The following ZFHX4 variants were observed in gnomAD, a reference collection of about 807,000 sequenced individuals.
The protein encoded by ZFHX4 is zinc finger homeobox 4.
ZFHX4 carries 56 observed loss-of-function variants against 267.6 expected under a neutral mutation model. The ratio of observed to expected loss-of-function variants is 0.21; its 90% CI spans 0.17 to 0.26. ZFHX4 has a LOEUF of 0.26. Among genes scored for constraint, ZFHX4 ranks in the 10% least tolerant of loss-of-function variants. The pLI, the probability that ZFHX4 is intolerant of heterozygous loss-of-function variation, is 1.00. For synonymous variants in ZFHX4, 1,778 were observed against 1,665.6 expected (o/e 1.07, Z -1.64); for missense variants, 4,332 against 4,420.0 (o/e 0.98, Z 0.56).
Position 76,863,239 on chromosome 8 carries a change from C to T in ZFHX4, c.9525C>T (p.Ser3175=), listed in dbSNP as rs1182236435. Residue 3175 remains serine (S), a synonymous_variant, in exon 11 of 11, where the codon TCC becomes TCT. Transcript: ENST00000651372. ...CTCCTCCTCCTCCTCCTCCTTCATC[C>T]TCTCTGTCAGGACAGCAGACCGAGC... is the stretch of plus-strand genomic sequence containing the variant. The part of the protein sequence containing the change: ...PPPPPPPPPS[S]SLSGQQTEQQ... The T allele has an allele frequency of 6.3e-6, 10 of 1,595,384 alleles. No individual in the cohort carries two copies. The highest frequency in any genetic ancestry group is 7.7e-6 in the Non-Finnish European group (9 of 1,170,470).
intron 3 of ZFHX4, among the ~76,000 whole-genome samples, chr8:76,729,629 C>T (rs1324066070): frequency 6.6e-6 from 1 of 152,142 alleles, no homozygotes; most frequent in Non-Finnish European, 1.5e-5. Context: ...TACAGTGGTC[C>T]TGGGATTTGC....
At chr8:76,687,753 C>T (rs1164924762) in intron 1 of ZFHX4, among the ~76,000 whole-genome samples, 1 of 152,056 alleles carries the variant, frequency 6.6e-6, no homozygotes, top group African/African-American at 2.4e-5. Context: ...AATATTAATC[C>T]TGTTTTTGAC....
Position 76,853,978 on chromosome 8 carries a change from A to G in ZFHX4, c.7057A>G (p.Met2353Val). Residue 2353 changes from methionine to valine, a missense_variant, in exon 10 of 11, where the codon ATG becomes GTG. Transcript: ENST00000651372. ...AQDESQTEDS[M>V]DATDQVVYKH... ...AGATGAAAGCCAAACAGAAGACTCC[A>G]TGGATGCCACTGATCAAGTGGTATA... 1 of 1,613,882 alleles carries G rather than the reference A, an allele frequency of 6.2e-7. No individual in the cohort carries two copies. Among genetic ancestry groups the G allele is most frequent in the Middle Eastern group, 1.6e-4 (1 of 6,062 alleles).
intron 4 of ZFHX4, among the ~76,000 whole-genome samples, chr8:76,788,453 T>C (rs1463541219): frequency 6.6e-6 from 1 of 152,228 alleles, no homozygotes; most frequent in African/African-American, 2.4e-5. Context: ...AATTTATTTG[T>C]TCTAATTTTG....
At position 76,849,072 on chromosome 8, in the gene ZFHX4, G is replaced by C; in HGVS notation, c.3589G>C (p.Asp1197His). 1.3e-6 allele frequency: 2 copies of C among 1,569,742 alleles called. No homozygotes were observed. Among genetic ancestry groups the C allele is most frequent in the Non-Finnish European group, 1.7e-6 (2 of 1,156,894 alleles). Residue 1197 changes from aspartate to histidine, a missense_variant, in exon 7 of 11, where the codon GAT becomes CAT. By Grantham distance (81) the Asp-to-His change is moderately conservative (BLOSUM62 -1). This residue lies in a region of ZFHX4 where 1,371 missense variants were observed against 1,423.1 expected (regional missense o/e 0.96). Transcript: ENST00000651372. ...TQPLLLAKEEDVATKRSKPTE... is the reference protein window; with the variant it reads ...TQPLLLAKEEHVATKRSKPTE... Reference sequence around the variant, plus strand: ...GCCACTCCTGCTGGCAAAAGAAGAGGATGTTGCAACAAAAAGGTCAAAACC... The same window carrying C: ...GCCACTCCTGCTGGCAAAAGAAGAGCATGTTGCAACAAAAAGGTCAAAACC...
intron 3 of ZFHX4, among the ~76,000 whole-genome samples, chr8:76,755,266 C>T (rs1398081484): frequency 6.6e-6 from 1 of 151,976 alleles, no homozygotes; most frequent in Admixed American, 6.6e-5. Context: ...AAATATTTTA[C>T]CCAGTTTCTT....
Position 76,857,696 on chromosome 8 carries a change from C to T in ZFHX4, c.9379+1396C>T, listed in dbSNP as rs1001348007. 2.6e-5 allele frequency among the ~76,000 whole-genome samples: 4 copies of T among 151,914 alleles called. No homozygotes were observed. The East Asian group carries it at 7.7e-4, about 29-fold the overall frequency. Reference sequence around the variant, plus strand: ...ATGTCCCTTCCTTGAACTGTCATACCAACTTCCCTCACCCCAAAGGTACTT... The same window carrying T: ...ATGTCCCTTCCTTGAACTGTCATACTAACTTCCCTCACCCCAAAGGTACTT... On this transcript the variant is annotated intron_variant, in intron 10 of 10. Coordinates refer to ENST00000651372, the MANE Select transcript of ZFHX4 (RefSeq NM_024721.5).
At chr8:76,833,685 C>A in intron 5 of ZFHX4, 1 of 346,624 alleles carries the variant, frequency 2.9e-6, no homozygotes, top group Non-Finnish European at 5.5e-6. Context: ...CACTGCCCTC[C>A]CCACCAGAGT....
intron 3 of ZFHX4, among the ~76,000 whole-genome samples, chr8:76,718,666 G>A (rs1808640282): frequency 6.6e-6 from 1 of 151,988 alleles, no homozygotes; most frequent in East Asian, 1.9e-4. Context: ...TTGAAGAGCT[G>A]TTTAATTTTT....
chr8:76,795,577 G>C (rs939657920), intron 4 of ZFHX4, among the ~76,000 whole-genome samples: 14 of 129,400 alleles, frequency 1.1e-4, no homozygotes, highest in Non-Finnish European at 2.0e-4. Context: ...ACGGAGTTTC[G>C]CTCTTATTGC....
intron 3 of ZFHX4, among the ~76,000 whole-genome samples, chr8:76,714,147 G>C (rs1280012152): frequency 6.6e-6 from 1 of 152,148 alleles, no homozygotes; most frequent in African/African-American, 2.4e-5. Context: ...TGCAGACAAA[G>C]GTGTTCTCTC....
At chr8:76,766,154 T>C (rs985730095) in intron 3 of ZFHX4, among the ~76,000 whole-genome samples, 1 of 151,936 alleles carries the variant, frequency 6.6e-6, no homozygotes, top group African/African-American at 2.4e-5. Flanking sequence ...TAAGAAATCT[T>C]GTTGAACAAG....
In ZFHX4 at chr8:76,834,614, G is replaced by C. The variant is rs1812022634; in HGVS notation, c.3394+1208G>C. 1.3e-5 allele frequency among the ~76,000 whole-genome samples: 2 copies of C among 152,032 alleles called. 1 individual carries two copies. The highest frequency in any genetic ancestry group is 4.1e-4 in the South Asian group (2 of 4,826). On this transcript the variant is annotated intron_variant, in intron 5 of 10. Transcript: ENST00000651372. Reference sequence around the variant, plus strand: ...TTGAATTGTTTATTTGCTTGTAAGAGTTGTAAGAGTTCTTTGTATATTTCA... The same window carrying C: ...TTGAATTGTTTATTTGCTTGTAAGACTTGTAAGAGTTCTTTGTATATTTCA...
At chr8:76,809,437 A>T (rs1299615861) in intron 4 of ZFHX4, among the ~76,000 whole-genome samples, 1 of 152,216 alleles carries the variant, frequency 6.6e-6, no homozygotes, top group Admixed American at 6.5e-5. Context: ...TGACAAAGAA[A>T]GCAGCAAATT....
At chr8:76,745,913 A>G (rs1809446726) in intron 3 of ZFHX4, among the ~76,000 whole-genome samples, 1 of 152,240 alleles carries the variant, frequency 6.6e-6, no homozygotes, top group African/African-American at 2.4e-5. Flanking sequence ...CTGCTCCAAG[A>G]GTTAAAATAA....
At chr8:76,791,673 A>G (rs963139362) in intron 4 of ZFHX4, among the ~76,000 whole-genome samples, 2 of 152,150 alleles carry the variant, frequency 1.3e-5, no homozygotes, top group Admixed American at 6.6e-5. Flanking sequence ...ACAGGATTTT[A>G]ATCTCAGTCT....
intron 3 of ZFHX4, among the ~76,000 whole-genome samples, chr8:76,730,088 T>A (rs183304988): frequency 1.3e-5 from 2 of 152,144 alleles, no homozygotes; most frequent in South Asian, 2.1e-4. Flanking sequence ...TCTGGAATAA[T>A]TGAATTAAAA....
chr8:76,854,334 T>C lies in ZFHX4; in HGVS notation c.7413T>C (p.Pro2471=), dbSNP rs1812643116. ...CCTCGGCCTCTCAAACACCGGTCCC[T>C]TCCAGTCCACTGCAAATTTCCATGA... is the stretch of plus-strand genomic sequence containing the variant. ...RPPSASQTPV[P]SSPLQISMTS... is the part of the protein sequence containing the mutation. The change falls in exon 10 of 11, where the codon CCT becomes CCC. Residue 2471 remains proline, a synonymous_variant. Transcript: ENST00000651372. The C allele has an allele frequency of 6.2e-7, 1 of 1,613,750 alleles. No homozygotes were observed. The highest frequency in any genetic ancestry group is 1.1e-5 in the South Asian group (1 of 91,080).
At chr8:76,746,076 T>C (rs1809452397) in intron 3 of ZFHX4, among the ~76,000 whole-genome samples, 1 of 152,188 alleles carries the variant, frequency 6.6e-6, no homozygotes, top group Non-Finnish European at 1.5e-5. Context: ...CTGGCTGTAA[T>C]CCAATTAACG....
Sources: allele counts gnomAD v4.1 joint callset (sites outside exome capture counted in the v4.1 genomes callset), GRCh38; gene constraint gnomAD v4.1.1; regional missense constraint gnomAD v4.1.1; transcripts MANE v1.5; gene names NCBI Gene and HGNC (gene_info 2026-07-23, HGNC 2026-07-21).